Variants in ST6GALNAC3 observed in about 807,000 individuals in gnomAD.
The protein encoded by ST6GALNAC3 is alpha-N-acetylgalactosaminide alpha-2,6-sialyltransferase 3.
ST6GALNAC3 carries 25 observed loss-of-function variants against 32.7 expected under a neutral mutation model. That is an observed-to-expected ratio of 0.76 (90% CI 0.56 to 1.07). The LOEUF (loss-of-function observed/expected upper bound fraction) is 1.07. ST6GALNAC3 is among the 50% of genes least tolerant of loss of function. The probability of loss-of-function intolerance (pLI) is 0.00; values close to 1 mark genes in which losing one functional copy is unlikely to be tolerated. For missense variants in ST6GALNAC3, 355 were observed against 382.4 expected, an observed-to-expected ratio of 0.93 and a Z score of 0.60; for synonymous variants, 129 against 133.1, an observed-to-expected ratio of 0.97 and a Z score of 0.21.
chr1:76,141,411 C>T (rs906920012), intron 1 of ST6GALNAC3, among the ~76,000 whole-genome samples: 4 of 152,188 alleles, frequency 2.6e-5, no homozygotes, highest in Non-Finnish European at 5.9e-5. Flanking sequence ...TCCAGCCAAA[C>T]CCTGAAGCAA....
chr1:76,499,383 G>A (rs1045104303), intron 3 of ST6GALNAC3, among the ~76,000 whole-genome samples: 34 of 152,188 alleles, frequency 2.2e-4, no homozygotes, highest in African/African-American at 8.2e-4. Context: ...ACAGGATAAA[G>A]CACTTATCAA....
intron 1 of ST6GALNAC3, among the ~76,000 whole-genome samples, chr1:76,151,624 G>C (rs1329082495): frequency 6.6e-6 from 1 of 152,216 alleles, no homozygotes; most frequent in African/African-American, 2.4e-5. Flanking sequence ...GGAACGTCTG[G>C]GAAAGAGTGT....
chr1:76,203,971 C>A (rs1654679293), intron 1 of ST6GALNAC3, among the ~76,000 whole-genome samples: 1 of 152,150 alleles, frequency 6.6e-6, no homozygotes, highest in African/African-American at 2.4e-5. Context: ...CAAACACTAG[C>A]TTTTATTTTT....
At chr1:76,167,574 C>T (rs1652203217) in intron 1 of ST6GALNAC3, among the ~76,000 whole-genome samples, 1 of 152,200 alleles carries the variant, frequency 6.6e-6, no homozygotes, top group Non-Finnish European at 1.5e-5. Context: ...GGTACCAGCT[C>T]ATCTATGTAC....
intron 3 of ST6GALNAC3, among the ~76,000 whole-genome samples, chr1:76,500,336 G>C (rs1402103560): frequency 6.6e-6 from 1 of 152,070 alleles, no homozygotes; most frequent in Non-Finnish European, 1.5e-5. Flanking sequence ...TGTTACTTGA[G>C]ATACAGCATT....
intron 2 of ST6GALNAC3, among the ~76,000 whole-genome samples, chr1:76,359,825 G>C (rs1319827969): frequency 1.3e-5 from 2 of 152,188 alleles, no homozygotes; most frequent in Non-Finnish European, 2.9e-5. Context: ...AATCAATGAA[G>C]ATAGGTGAAT....
intron 3 of ST6GALNAC3, among the ~76,000 whole-genome samples, chr1:76,614,009 A>C (rs1296108771): frequency 6.6e-6 from 1 of 152,212 alleles, no homozygotes; most frequent in African/African-American, 2.4e-5. Flanking sequence ...CATCGTTGAG[A>C]AAACATCAGC....
intron 3 of ST6GALNAC3, among the ~76,000 whole-genome samples, chr1:76,561,890 A>G (rs949535062): frequency 3.9e-5 from 6 of 152,246 alleles, no homozygotes; most frequent in Non-Finnish European, 8.8e-5. Context: ...TGAAAAATGT[A>G]TGAGGTCCAT....
chr1:76,306,362 C>G (rs544665632), intron 1 of ST6GALNAC3, among the ~76,000 whole-genome samples: 1 of 152,020 alleles, frequency 6.6e-6, no homozygotes, highest in Non-Finnish European at 1.5e-5. Flanking sequence ...TTCAGCTCCA[C>G]AATCCAATGA....
At chr1:76,519,429 T>C (rs890974378) in intron 3 of ST6GALNAC3, among the ~76,000 whole-genome samples, 1 of 152,168 alleles carries the variant, frequency 6.6e-6, no homozygotes, top group Non-Finnish European at 1.5e-5. Flanking sequence ...AATTATTCAC[T>C]GCACTGTCCA....
chr1:76,610,652 G>A (rs1352172672), intron 3 of ST6GALNAC3, among the ~76,000 whole-genome samples: 2 of 152,058 alleles, frequency 1.3e-5, no homozygotes, highest in Non-Finnish European at 2.9e-5. Context: ...CTTTGAGGCC[G>A]TGTTGAGAGA....
intron 3 of ST6GALNAC3, among the ~76,000 whole-genome samples, chr1:76,598,722 T>C (rs2100616770): frequency 6.7e-6 from 1 of 149,618 alleles, no homozygotes; most frequent in Middle Eastern, 3.4e-3. Context: ...ACTTCTGCCA[T>C]AAATGCTTCA....
Position 76,521,312 on chromosome 1 carries a change from C to T in ST6GALNAC3, c.624-106140C>T, listed in dbSNP as rs569333704. Among the ~76,000 whole-genome samples the T allele has an allele frequency of 2.0e-3, 297 of 151,728 alleles. 2 individuals are homozygous for T. Among genetic ancestry groups the T allele is most frequent in the African/African-American group, 6.8e-3 (279 of 41,318 alleles). ...ATATATATATATACACACACACACG[C>T]GCGTACATACATGCATATACACACA... On this transcript the variant is annotated intron_variant, in intron 3 of 4. Transcript: ENST00000328299.
At chr1:76,148,749 T>C (rs1432867584) in intron 1 of ST6GALNAC3, among the ~76,000 whole-genome samples, 1 of 152,210 alleles carries the variant, frequency 6.6e-6, no homozygotes, top group East Asian at 1.9e-4. Context: ...AACTTTTCTC[T>C]CTTTCAAAAA....
chr1:76,395,458 G>A (rs1361914691), intron 2 of ST6GALNAC3, among the ~76,000 whole-genome samples: 2 of 152,108 alleles, frequency 1.3e-5, no homozygotes, highest in Non-Finnish European at 2.9e-5. Flanking sequence ...CAAAAAGAAA[G>A]CAAATCAGTA....
At chr1:76,622,853 T>G (rs1648735222) in intron 3 of ST6GALNAC3, among the ~76,000 whole-genome samples, 1 of 152,076 alleles carries the variant, frequency 6.6e-6, no homozygotes, top group East Asian at 1.9e-4. Flanking sequence ...TTCCATTTCC[T>G]CAGTTCCTCC....
intron 1 of ST6GALNAC3, among the ~76,000 whole-genome samples, chr1:76,130,302 A>G (rs1029195360): frequency 1.3e-5 from 2 of 152,204 alleles, no homozygotes; most frequent in African/African-American, 4.8e-5. Flanking sequence ...TGTGTGGGGT[A>G]GGGTGGCTTG....
intron 3 of ST6GALNAC3, among the ~76,000 whole-genome samples, chr1:76,554,460 C>T (rs999696352): frequency 5.9e-5 from 9 of 152,126 alleles, no homozygotes; most frequent in Non-Finnish European, 1.2e-4. Flanking sequence ...AATGAGGACA[C>T]TTCATGTGGG....
chr1:76,096,204 G>C (rs1341462238), intron 1 of ST6GALNAC3, among the ~76,000 whole-genome samples: 3 of 152,210 alleles, frequency 2.0e-5, no homozygotes, highest in Admixed American at 2.0e-4. Flanking sequence ...GGTAGATGCA[G>C]GTGTTAATTT....
Sources: allele counts gnomAD v4.1 joint callset (sites outside exome capture counted in the v4.1 genomes callset), GRCh38; gene constraint gnomAD v4.1.1; transcripts MANE v1.5; gene names NCBI Gene and HGNC (gene_info 2026-07-23, HGNC 2026-07-21).